Variants in MAP3K20 observed in about 807,000 individuals in gnomAD.
MAP3K20 encodes the protein HCCS-4.
Under a neutral mutation model 85.7 loss-of-function variants are expected in MAP3K20, and 40 were observed. The observed-to-expected ratio is 0.47, with a 90% CI of 0.36 to 0.61. The LOEUF (loss-of-function observed/expected upper bound fraction) is 0.61, where lower values mean the gene tolerates loss of function less well. MAP3K20 is among the 20% of genes least tolerant of loss of function. The probability of loss-of-function intolerance (pLI) is 0.00; values close to 1 mark genes in which losing one functional copy is unlikely to be tolerated. For synonymous variants in MAP3K20, 325 were observed against 327.7 expected (o/e 0.99, Z 0.09); for missense variants, 817 against 961.7 (o/e 0.85, Z 1.99).
intron 2 of MAP3K20, among the ~76,000 whole-genome samples, chr2:173,115,717 C>T (rs572754491): frequency 3.9e-5 from 6 of 152,284 alleles, no homozygotes; most frequent in African/African-American, 1.4e-4. Flanking sequence ...GTCTACCAGG[C>T]TCCAGGCTGG....
At chr2:173,132,238 T>C (rs905713769) in intron 2 of MAP3K20, among the ~76,000 whole-genome samples, 7 of 152,208 alleles carry the variant, frequency 4.6e-5, no homozygotes, top group African/African-American at 1.7e-4. Flanking sequence ...GATCATGTCA[T>C]TTCTGCACAA....
At chr2:173,226,510 C>T (rs140603113) in intron 11 of MAP3K20, 13,322 of 985,744 alleles carry the variant, frequency 0.014, 109 homozygotes, top group Middle Eastern at 0.02. Flanking sequence ...CTATTCTCTC[C>T]TCTCGATTGT....
intron 1 of MAP3K20, among the ~76,000 whole-genome samples, chr2:173,079,162 C>T (rs142215314): frequency 1.3e-5 from 2 of 152,318 alleles, no homozygotes; most frequent in East Asian, 1.9e-4. Context: ...TCCGTTGCTC[C>T]TAGGCTACAG....
At chr2:173,110,909 T>C (rs1246908481) in intron 2 of MAP3K20, among the ~76,000 whole-genome samples, 1 of 152,218 alleles carries the variant, frequency 6.6e-6, no homozygotes, top group Non-Finnish European at 1.5e-5. Flanking sequence ...AAGTATCTTT[T>C]TCAAATAATG....
intron 7 of MAP3K20, among the ~76,000 whole-genome samples, chr2:173,193,611 G>A (rs1690730539): frequency 1.3e-5 from 2 of 152,136 alleles, no homozygotes; most frequent in Non-Finnish European, 2.9e-5. Flanking sequence ...AGTGACTTCT[G>A]TTTGGAGAGC....
intron 2 of MAP3K20, among the ~76,000 whole-genome samples, chr2:173,162,337 A>C (rs1332929847): frequency 6.6e-6 from 1 of 152,068 alleles, no homozygotes; most frequent in Admixed American, 6.6e-5. Flanking sequence ...TGACTGGATG[A>C]ACCACTCTTC....
At chr2:173,263,673 A>G (rs2106358760) in intron 18 of MAP3K20, 72 bp from the exon 19 acceptor site, 2 of 1,438,550 alleles carry the variant, frequency 1.4e-6, no homozygotes, top group East Asian at 2.4e-5. Flanking sequence ...CCCATTTTAT[A>G]TATGTGTGTC....
intron 3 of MAP3K20, among the ~76,000 whole-genome samples, chr2:173,180,431 A>G (rs1690290954): frequency 6.6e-6 from 1 of 152,186 alleles, no homozygotes; most frequent in Non-Finnish European, 1.5e-5. Flanking sequence ...CCAGCACTGT[A>G]GAAGGCTGAG....
intron 2 of MAP3K20, among the ~76,000 whole-genome samples, chr2:173,095,202 C>A (rs1687424599): frequency 6.6e-6 from 1 of 152,176 alleles, no homozygotes; most frequent in African/African-American, 2.4e-5. Context: ...CTCTTTCCAG[C>A]TGGCTCTTGT....
intron 9 of MAP3K20, among the ~76,000 whole-genome samples, chr2:173,209,193 A>C (rs963981085): frequency 6.6e-6 from 1 of 152,226 alleles, no homozygotes; most frequent in Non-Finnish European, 1.5e-5. Flanking sequence ...GATAATCAGC[A>C]TAGTACCTGA....
At chr2:173,111,696 T>C (rs1297589228) in intron 2 of MAP3K20, among the ~76,000 whole-genome samples, 1 of 152,176 alleles carries the variant, frequency 6.6e-6, no homozygotes, top group African/African-American at 2.4e-5. Context: ...TTCCCCACTT[T>C]ATGTTTTTGT....
intron 11 of MAP3K20, chr2:173,221,862 G>C: frequency 9.9e-7 from 1 of 1,011,624 alleles, no homozygotes; most frequent in Non-Finnish European, 1.2e-6. Flanking sequence ...GTTTGTATTT[G>C]ACTTTATTTC....
intron 16 of MAP3K20, among the ~76,000 whole-genome samples, chr2:173,248,540 G>A (rs1443739018): frequency 6.6e-6 from 1 of 152,226 alleles, no homozygotes; most frequent in Non-Finnish European, 1.5e-5. Flanking sequence ...TTTGTCAAAT[G>A]GGTTGGACAG....
At chr2:173,160,993 C>T (rs543337675) in intron 2 of MAP3K20, among the ~76,000 whole-genome samples, 1 of 152,190 alleles carries the variant, frequency 6.6e-6, no homozygotes, top group South Asian at 2.1e-4. Flanking sequence ...GTAGAGGTGA[C>T]TTTGGAAATA....
intron 16 of MAP3K20, among the ~76,000 whole-genome samples, chr2:173,249,400 T>G (rs920427783): frequency 1.3e-5 from 2 of 152,208 alleles, no homozygotes; most frequent in Non-Finnish European, 2.9e-5. Context: ...AAATCAAGGA[T>G]GTAGGACAAC....
At chr2:173,142,951 C>G (rs1394584436) in intron 2 of MAP3K20, among the ~76,000 whole-genome samples, 3 of 152,070 alleles carry the variant, frequency 2.0e-5, no homozygotes, top group African/African-American at 4.8e-5. Flanking sequence ...CACTTGAGCC[C>G]AGGAGTTCAA....
At chr2:173,117,974 T>G (rs1688172666) in intron 2 of MAP3K20, among the ~76,000 whole-genome samples, 1 of 152,182 alleles carries the variant, frequency 6.6e-6, no homozygotes, top group African/African-American at 2.4e-5. Flanking sequence ...GTGAGTACAG[T>G]GTCTAAATCT....
intron 2 of MAP3K20, among the ~76,000 whole-genome samples, chr2:173,114,861 G>A (rs1238278628): frequency 6.6e-6 from 1 of 152,170 alleles, no homozygotes; most frequent in African/African-American, 2.4e-5. Flanking sequence ...CTTAACTTTG[G>A]ATAACCTGAT....
At chr2:173,207,523 G>C (rs1683728524) in intron 9 of MAP3K20, 1 of 152,194 alleles carries the variant, frequency 6.6e-6, no homozygotes. Flanking sequence ...GAAGTCATAA[G>C]TTCAATAGGA....
Sources: gnomAD v4.1 joint callset for allele counts (sites outside exome capture counted in the v4.1 genomes callset) on GRCh38, gnomAD v4.1.1 for gene constraint, MANE v1.5 for transcripts, NCBI Gene and HGNC (gene_info 2026-07-23, HGNC 2026-07-21) for gene names.